PAM: variants seen among roughly 807,000 people sequenced by gnomAD.
PAM encodes peptidylglycine alpha-amidating monooxygenase.
In PAM, 72 loss-of-function variants were observed where a neutral mutation model predicts 122.1. That is an observed-to-expected ratio of 0.59 (90% CI 0.49 to 0.72). The LOEUF is 0.72. PAM is among the 30% of genes least tolerant of loss of function. The pLI, the probability that PAM is intolerant of heterozygous loss-of-function variation, is 0.00. For missense variants in PAM, 1,106 were observed against 1,183.7 expected (o/e 0.93, Z 0.96); for synonymous variants, 389 against 404.4 (o/e 0.96, Z 0.46).
intron 16 of PAM, among the ~76,000 whole-genome samples, chr5:102,992,728 A>G (rs932379389): frequency 1.3e-5 from 2 of 152,108 alleles, no homozygotes; most frequent in African/African-American, 4.8e-5. Context: ...TGGAAACTCC[A>G]TTCTTCTTGT....
At chr5:102,856,188 T>C (rs933408394) in intron 1 of PAM, among the ~76,000 whole-genome samples, 12 of 152,246 alleles carry the variant, frequency 7.9e-5, no homozygotes, top group Admixed American at 6.5e-4. Context: ...TCACAGAAGG[T>C]TGTCCACCAA....
chr5:102,963,277 G>A (rs986474474), intron 14 of PAM, among the ~76,000 whole-genome samples: 1 of 151,928 alleles, frequency 6.6e-6, no homozygotes, highest in African/African-American at 2.4e-5. Context: ...AATGAGATTA[G>A]TCTGTCTCCT....
At chr5:102,975,158 C>G (rs375015008) in intron 15 of PAM, among the ~76,000 whole-genome samples, 1 of 152,216 alleles carries the variant, frequency 6.6e-6, no homozygotes, top group African/African-American at 2.4e-5. Context: ...ATATTGATTG[C>G]GTTTCATGTT....
intron 15 of PAM, among the ~76,000 whole-genome samples, chr5:102,986,573 G>A (rs867944456): frequency 1.2e-4 from 19 of 152,184 alleles, no homozygotes; most frequent in Middle Eastern, 3.4e-3. Context: ...GAAAGAAATT[G>A]AAAATGACAC....
At chr5:102,899,147 G>A (rs1295033718) in intron 3 of PAM, among the ~76,000 whole-genome samples, 1 of 151,396 alleles carries the variant, frequency 6.6e-6, no homozygotes, top group African/African-American at 2.4e-5. Flanking sequence ...AGTGGAAATG[G>A]GAATGGATTA....
chr5:102,797,238 A>G (rs1410812220), intron 1 of PAM, among the ~76,000 whole-genome samples: 1 of 152,172 alleles, frequency 6.6e-6, no homozygotes, highest in Non-Finnish European at 1.5e-5. Context: ...GGAACTGGTT[A>G]TTTTATGTAT....
chr5:102,978,578 C>A (rs981936022), intron 15 of PAM, among the ~76,000 whole-genome samples: 7 of 152,106 alleles, frequency 4.6e-5, no homozygotes, highest in Non-Finnish European at 8.8e-5. Flanking sequence ...TATTACAAAC[C>A]TCTGGATGTG....
At chr5:102,760,603 C>A (rs1398416277) in intron 1 of PAM, among the ~76,000 whole-genome samples, 1 of 152,194 alleles carries the variant, frequency 6.6e-6, no homozygotes, top group African/African-American at 2.4e-5. Flanking sequence ...CTGTACTGGG[C>A]AGAGAAGATA....
chr5:102,792,612 T>TA (rs1279050448), intron 1 of PAM, among the ~76,000 whole-genome samples: 4 of 152,214 alleles, frequency 2.6e-5, no homozygotes, highest in Non-Finnish European at 5.9e-5. Flanking sequence ...GGCAGTGTAA[T>TA]AACATGAAAG....
Position 102,934,923 on chromosome 5 carries a change from A to G in PAM, c.526+8255A>G, listed in dbSNP as rs117808960. On this transcript the variant is annotated intron_variant, in intron 7 of 25. Coordinates refer to ENST00000438793, the MANE Select transcript of PAM (RefSeq NM_001177306.2). Reference sequence around the variant, plus strand: ...TAAATTCCAGTATTAGAACAAAGAAATTATTTCTTCATATTTGAGTTTTCA... The same window carrying G: ...TAAATTCCAGTATTAGAACAAAGAAGTTATTTCTTCATATTTGAGTTTTCA... Among the ~76,000 whole-genome samples the G allele has an allele frequency of 7.4e-4, 113 of 152,296 alleles. No individual in the cohort carries two copies. The East Asian group carries it at 0.02, about 27-fold the overall frequency.
In PAM at chr5:102,866,039, C is replaced by T; in HGVS notation, c.-157C>T. 1 of 465,818 alleles carries T rather than the reference C, an allele frequency of 2.1e-6. No individual in the cohort carries two copies. The highest frequency in any genetic ancestry group is 4.1e-5 in the South Asian group (1 of 24,104). 28.9% of individuals were successfully genotyped at this position (465,818 alleles called of 1,614,324 possible). ...GAGACGCCTCGCCGCGGCCAGCTCGCTGCTCTCGCTGGCGGATGGTGTGTG... is the reference window on the plus strand; with the variant it reads ...GAGACGCCTCGCCGCGGCCAGCTCGTTGCTCTCGCTGGCGGATGGTGTGTG... On this transcript the variant is annotated 5_prime_UTR_variant, in exon 2 of 26. Transcript: ENST00000438793.
At chr5:102,894,115 A>G (rs924621273) in intron 3 of PAM, among the ~76,000 whole-genome samples, 2 of 151,370 alleles carry the variant, frequency 1.3e-5, no homozygotes, top group Admixed American at 6.6e-5. Flanking sequence ...TGACAGCACT[A>G]GAGATCCTGG....
At chr5:102,782,519 C>T (rs922122140) in intron 1 of PAM, among the ~76,000 whole-genome samples, 1 of 152,034 alleles carries the variant, frequency 6.6e-6, no homozygotes, top group African/African-American at 2.4e-5. Context: ...GAAAGGAAAA[C>T]ATCTATGTTT....
At chr5:102,913,539 G>A (rs1802110345) in intron 4 of PAM, among the ~76,000 whole-genome samples, 1 of 151,870 alleles carries the variant, frequency 6.6e-6, no homozygotes, top group African/African-American at 2.4e-5. Flanking sequence ...ACTCACTGTG[G>A]CTTCTTTTTC....
intron 1 of PAM, among the ~76,000 whole-genome samples, chr5:102,763,496 C>T (rs1011256156): frequency 1.3e-5 from 2 of 151,864 alleles, no homozygotes; most frequent in Admixed American, 6.6e-5. Context: ...CACACGACAG[C>T]AACAACAACA....
intron 1 of PAM, among the ~76,000 whole-genome samples, chr5:102,827,239 T>G (rs934954506): frequency 6.6e-6 from 1 of 152,108 alleles, no homozygotes; most frequent in African/African-American, 2.4e-5. Context: ...TACTGACAGC[T>G]CAAAGGAGGA....
chr5:102,825,517 A>G (rs1405489148), intron 1 of PAM, among the ~76,000 whole-genome samples: 2 of 152,200 alleles, frequency 1.3e-5, no homozygotes, highest in African/African-American at 2.4e-5. Flanking sequence ...TGGGAAGAAC[A>G]TTTAATATAG....
At chr5:102,800,473 C>T (rs952187390) in intron 1 of PAM, among the ~76,000 whole-genome samples, 1 of 152,180 alleles carries the variant, frequency 6.6e-6, no homozygotes, top group Non-Finnish European at 1.5e-5. Context: ...GAAGTGCTCT[C>T]AGCAACCTTT....
chr5:102,919,062 T>G (rs926128886), intron 5 of PAM, among the ~76,000 whole-genome samples: 1 of 152,092 alleles, frequency 6.6e-6, no homozygotes, highest in Admixed American at 6.6e-5. Context: ...TCCAAGCTGG[T>G]TAAATGAGGC....
Sources: allele counts gnomAD v4.1 joint callset (sites outside exome capture counted in the v4.1 genomes callset), GRCh38; gene constraint gnomAD v4.1.1; transcripts MANE v1.5; gene names NCBI Gene and HGNC (gene_info 2026-07-23, HGNC 2026-07-21).